The following DGKD variants were observed in gnomAD, a reference collection of about 807,000 sequenced individuals.
The protein encoded by DGKD is DAG kinase delta.
DGKD carries 68 observed loss-of-function variants against 154.4 expected under a neutral mutation model. That is an observed-to-expected ratio of 0.44 (90% CI 0.36 to 0.54). The LOEUF is 0.54. Ranked by LOEUF, DGKD falls within the 20% of genes least tolerant of loss-of-function variation. DGKD has a pLI of 0.00. For missense variants in DGKD, 1,343 were observed against 1,593.6 expected, an observed-to-expected ratio of 0.84 and a Z score of 2.68; for synonymous variants, 693 against 638.0, an observed-to-expected ratio of 1.09 and a Z score of -1.30.
At chr2:233,422,113 G>C (rs562811376) in intron 3 of DGKD, among the ~76,000 whole-genome samples, 1 of 152,314 alleles carries the variant, frequency 6.6e-6, no homozygotes, top group Non-Finnish European at 1.5e-5. Context: ...AGCTTCTTTT[G>C]GGGCCTTGTC....
intron 10 of DGKD, chr2:233,442,518 C>T: frequency 3.6e-6 from 1 of 275,412 alleles, no homozygotes; most frequent in East Asian, 8.2e-5. Flanking sequence ...ATTTTGCTGT[C>T]TCTGACCTCT....
chr2:233,447,727 C>A, intron 12 of DGKD: 1 of 1,096,678 alleles, frequency 9.1e-7, no homozygotes, highest in South Asian at 2.5e-5. Context: ...TGGAAACAGC[C>A]TCTGCTGCAA....
rs1464915774 is a variant in DGKD, at chr2:233,441,531, TA to T, written c.1086-355del. On this transcript the variant is annotated intron_variant, in intron 9 of 29. Transcript: ENST00000264057. The surrounding 1 kb of genome is among the most constrained non-coding windows in gnomAD (Gnocchi z 5.6). ...GTGACGCAGGGTGGGCTCACATGGT[TA>T]GGGGCCACGGCAGGCTGTGCCCGTG... is the stretch of plus-strand genomic sequence containing the variant. 6.6e-6 allele frequency among the ~76,000 whole-genome samples: 1 copy of T among 152,136 alleles called. No homozygotes were observed. Among genetic ancestry groups the T allele is most frequent in the Non-Finnish European group, 1.5e-5 (1 of 67,990 alleles).
chr2:233,461,018 T>C, intron 24 of DGKD, among the ~76,000 whole-genome samples: 1 of 137,568 alleles, frequency 7.3e-6, no homozygotes, highest in African/African-American at 2.6e-5. Flanking sequence ...AAGTTTACTT[T>C]AAAAAAAAAA....
intron 1 of DGKD, among the ~76,000 whole-genome samples, chr2:233,374,535 G>A (rs568673271): frequency 2.0e-4 from 30 of 152,044 alleles, no homozygotes; most frequent in South Asian, 8.3e-4. Flanking sequence ...GCATCTCACC[G>A]TGTTGCCCAG....
In DGKD at chr2:233,457,422, G is replaced by A. The variant is rs986835008; in HGVS notation, c.2580+94G>A. The stretch of plus-strand genomic sequence containing the variant: ...TTCTGCTGTGGCTGGGGTGGATCCA[G>A]CTCTTCTGTTGTGCCAGCAGTGGGG... On this transcript the variant is annotated intron_variant, in intron 21 of 29. Coordinates refer to ENST00000264057, the MANE Select transcript of DGKD (RefSeq NM_152879.3). The surrounding 1 kb of genome is among the most constrained non-coding windows in gnomAD (Gnocchi z 5.5). 1.0e-5 allele frequency: 10 copies of A among 957,870 alleles called. No homozygotes were observed. In the East Asian group the frequency reaches 2.2e-4, roughly 21 times the overall value. The allele number at this position is 957,870 out of a possible 1,614,324, so 59.3% of individuals were successfully genotyped here.
At position 233,360,984 on chromosome 2, in the gene DGKD, GTTTTTTTT is replaced by G. The variant is rs10580286; in HGVS notation, c.156+6325_156+6332del. Among the ~76,000 whole-genome samples, 545 of 128,958 alleles carry G rather than the reference GTTTTTTTT, an allele frequency of 4.2e-3. 1 individual carries two copies. The highest frequency in any genetic ancestry group is 0.01 in the African/African-American group (325 of 31,518). The allele number at this position is 128,958 out of a possible 152,430, so 84.6% of individuals were successfully genotyped here. A position where few individuals can be genotyped will look rare whatever the true frequency, so the allele number is the denominator to read the frequency against. ...GCCCCCAGAGCAGTGAGACAGTCAAGTTTTTTTTTTTTTTTTTTTTTTCCAAGTTTTGT... is the reference window on the plus strand; with the variant it reads ...GCCCCCAGAGCAGTGAGACAGTCAAGTTTTTTTTTTTTTTCCAAGTTTTGT... On this transcript the variant is annotated intron_variant, in intron 1 of 29. Transcript: ENST00000264057.
Position 233,437,362 on chromosome 2 carries a change from G to A in DGKD, c.820-15G>A. On this transcript the variant is annotated splice_polypyrimidine_tract_variant and intron_variant, in intron 7 of 29. Coordinates refer to ENST00000264057, the MANE Select transcript of DGKD (RefSeq NM_152879.3). Reference sequence around the variant, plus strand: ...ATGCCAGTGACCCTTGGTGACGCGGGGACTCTTGTTTCAGGTTCACACATC... The same window carrying A: ...ATGCCAGTGACCCTTGGTGACGCGGAGACTCTTGTTTCAGGTTCACACATC... 6.2e-7 allele frequency: 1 copy of A among 1,612,598 alleles called. No individual in the cohort carries two copies. Among genetic ancestry groups the A allele is most frequent in the South Asian group, 1.1e-5 (1 of 90,974 alleles).
rs756307541 is a variant in DGKD at position 233,467,222 on chromosome 2, CGT to C, written c.3424+24_3424+25del. 2.6e-5 allele frequency: 41 copies of C among 1,570,774 alleles called. No homozygotes were observed. Among genetic ancestry groups the C allele is most frequent in the Middle Eastern group, 1.7e-4 (1 of 5,984 alleles). On this transcript the variant is annotated intron_variant, in intron 28 of 29. Transcript: ENST00000264057. ...GCCCCGGGTACCTGCCTCTCTCCCG[CGT>C]GTGTTTCTGGCCGTCCACGCCTGCT... is the stretch of plus-strand genomic sequence containing the variant.
chr2:233,423,813 C>G (rs1024063451), intron 3 of DGKD, among the ~76,000 whole-genome samples: 1 of 152,110 alleles, frequency 6.6e-6, no homozygotes, highest in East Asian at 1.9e-4. Flanking sequence ...TCCACCCACC[C>G]CCCCAGTATC....
At chr2:233,417,233 A>G (rs1345662449) in intron 3 of DGKD, among the ~76,000 whole-genome samples, 2 of 152,050 alleles carry the variant, frequency 1.3e-5, no homozygotes, top group East Asian at 3.9e-4. Context: ...GGATTTCACC[A>G]TGTTGGCCAG....
rs1333729922 is a variant in DGKD, at chr2:233,354,941, G to A, written c.156+267G>A. Among the ~76,000 whole-genome samples the A allele has an allele frequency of 3.4e-5, 5 of 147,906 alleles. No homozygotes were observed. The South Asian group carries it at 8.3e-4, about 25-fold the overall frequency. On this transcript the variant is annotated intron_variant, in intron 1 of 29. Transcript: ENST00000264057. This position sits in a 1 kb window ranked among gnomAD's most constrained non-coding sequence, Gnocchi z 4.8. ...GCGCCCCGGGCGCCGCGCGCTGGGC[G>A]GGGGGCGCGCGCCGAGTTGGGCCGC... is the stretch of plus-strand genomic sequence containing the variant.
chr2:233,453,193 A>C (rs1348710466), intron 18 of DGKD, among the ~76,000 whole-genome samples: 1 of 152,002 alleles, frequency 6.6e-6, no homozygotes, highest in African/African-American at 2.4e-5. Context: ...GGGGAGACAA[A>C]GCTGTGCTTT....
chr2:233,356,820 A>AT lies in DGKD; in HGVS notation c.156+2158dup, dbSNP rs1219720287. Among the ~76,000 whole-genome samples, 817 of 145,418 alleles carry AT rather than the reference A, an allele frequency of 5.6e-3. 3 individuals are homozygous for AT. The highest frequency in any genetic ancestry group is 0.014 in the African/African-American group (555 of 39,852). ...GAGGTTGACTGTATGTAATAGCTCC[A>AT]TTTTTTTTTTTTCCAGCAGATAAGC... On this transcript the variant is annotated intron_variant, in intron 1 of 29. Coordinates refer to ENST00000264057, the MANE Select transcript of DGKD (RefSeq NM_152879.3).
intron 3 of DGKD, among the ~76,000 whole-genome samples, chr2:233,402,212 G>A (rs1023791048): frequency 6.6e-6 from 1 of 152,212 alleles, no homozygotes; most frequent in African/African-American, 2.4e-5. Context: ...GCTTCTGTGG[G>A]ACTGTGGTTC....
intron 3 of DGKD, among the ~76,000 whole-genome samples, chr2:233,421,181 C>T (rs138697088): frequency 1.4e-4 from 21 of 152,270 alleles, no homozygotes; most frequent in Admixed American, 3.9e-4. Flanking sequence ...CATGTCCACA[C>T]GGACCTGCTG....
intron 5 of DGKD, 136 bp from the exon 6 acceptor site, chr2:233,435,682 T>C: frequency 3.0e-6 from 2 of 664,460 alleles, no homozygotes; most frequent in East Asian, 3.2e-5. Flanking sequence ...ATCACAGTAG[T>C]TCACTTATAA....
chr2:233,411,033 AT>A (rs1168353420), intron 3 of DGKD, among the ~76,000 whole-genome samples: 1 of 151,494 alleles, frequency 6.6e-6, no homozygotes, highest in African/African-American at 2.4e-5. Flanking sequence ...TGGTTTTGAG[AT>A]TTTTCATGTT....
At chr2:233,428,375 TG>T (rs1490380235) in intron 3 of DGKD, among the ~76,000 whole-genome samples, 2 of 152,118 alleles carry the variant, frequency 1.3e-5, no homozygotes, top group South Asian at 4.1e-4. Flanking sequence ...ACATTTCTTG[TG>T]GTTTGGGAGA....
Sources: allele counts gnomAD v4.1 joint callset (sites outside exome capture counted in the v4.1 genomes callset), GRCh38; gene constraint gnomAD v4.1.1; non-coding constraint Gnocchi (gnomAD v3.1); transcripts MANE v1.5; gene names NCBI Gene and HGNC (gene_info 2026-07-23, HGNC 2026-07-21).